The following ATRNL1 variants were observed in gnomAD, a reference collection of about 807,000 sequenced individuals.
ATRNL1 encodes the protein attractin like 1.
ATRNL1 carries 95 observed loss-of-function variants against 182.7 expected under a neutral mutation model. The observed-to-expected ratio is 0.52, with a 90% CI of 0.44 to 0.62. The LOEUF is 0.62. Among genes scored for constraint, ATRNL1 ranks in the 20% least tolerant of loss-of-function variants. The pLI, the probability that ATRNL1 is intolerant of heterozygous loss-of-function variation, is 0.00. For missense variants in ATRNL1, 1,471 were observed against 1,679.5 expected, an observed-to-expected ratio of 0.88 and a Z score of 2.17; for synonymous variants, 576 against 568.3, an observed-to-expected ratio of 1.01 and a Z score of -0.19.
chr10:115,935,511 G>C (rs1555122640), intron 28 of ATRNL1, among the ~76,000 whole-genome samples: 1 of 152,130 alleles, frequency 6.6e-6, no homozygotes. Flanking sequence ...TTGCACCAAA[G>C]TAGCGGCTTC....
intron 28 of ATRNL1, among the ~76,000 whole-genome samples, chr10:115,923,124 C>G (rs1953117187): frequency 6.6e-6 from 1 of 152,138 alleles, no homozygotes; most frequent in Admixed American, 6.5e-5. Context: ...TGCAGTGTTT[C>G]TAATGATAGT....
In ATRNL1 at chr10:115,283,310, A is replaced by T. The variant is rs531178586; in HGVS notation, c.2233+1823A>T. On this transcript the variant is annotated intron_variant, in intron 14 of 28. Coordinates refer to ENST00000355044, the MANE Select transcript of ATRNL1 (RefSeq NM_207303.4). Reference sequence around the variant, plus strand: ...GCACCTGTAATTTCAGCTACTCGGGAGGCTGAGGCAGGAGAATCACTTGAA... The same window carrying T: ...GCACCTGTAATTTCAGCTACTCGGGTGGCTGAGGCAGGAGAATCACTTGAA... Among the ~76,000 whole-genome samples the T allele has an allele frequency of 3.9e-5, 6 of 152,136 alleles. No homozygotes were observed. In the Middle Eastern group the frequency reaches 0.01, roughly 259 times the overall value.
chr10:115,620,826 C>A (rs1555022493), intron 26 of ATRNL1, among the ~76,000 whole-genome samples: 1 of 152,118 alleles, frequency 6.6e-6, no homozygotes, highest in African/African-American at 2.4e-5. Flanking sequence ...AAAGATATAG[C>A]TTTCATTTTA....
At position 115,236,592 on chromosome 10, in the gene ATRNL1, A is replaced by G. The variant is rs564889267; in HGVS notation, c.1533-4979A>G. On this transcript the variant is annotated intron_variant, in intron 9 of 28. Transcript: ENST00000355044. ...GTTTGTTTTGTTTTTTTAACAATAA[A>G]CTCTATGTTTTAGAGCAGTTTTAGT... Among the ~76,000 whole-genome samples, 9 of 152,160 alleles carry G rather than the reference A, an allele frequency of 5.9e-5. No individual in the cohort carries two copies. The East Asian group carries it at 1.7e-3, about 29-fold the overall frequency.
intron 28 of ATRNL1, among the ~76,000 whole-genome samples, chr10:115,917,128 G>A (rs1555117494): frequency 6.6e-6 from 1 of 152,150 alleles, no homozygotes; most frequent in Non-Finnish European, 1.5e-5. Context: ...TGCCACTTTA[G>A]TGGCTGTGCT....
chr10:115,102,374 C>T (rs1843808209), intron 1 of ATRNL1, among the ~76,000 whole-genome samples: 1 of 151,822 alleles, frequency 6.6e-6, no homozygotes, highest in African/African-American at 2.4e-5. Flanking sequence ...TATCTCTATC[C>T]TTTTGCAAAT....
At chr10:115,620,168 A>G (rs1857650768) in intron 26 of ATRNL1, among the ~76,000 whole-genome samples, 1 of 152,188 alleles carries the variant, frequency 6.6e-6, no homozygotes. Flanking sequence ...AGAGGAAGGG[A>G]AATCATGGCA....
chr10:115,687,621 C>A (rs1946260499), intron 26 of ATRNL1, among the ~76,000 whole-genome samples: 1 of 151,920 alleles, frequency 6.6e-6, no homozygotes, highest in Non-Finnish European at 1.5e-5. Flanking sequence ...TTTCATTGCC[C>A]CTTTGGAAGC....
chr10:115,743,851 TTTG>T (rs1751103209), intron 27 of ATRNL1, among the ~76,000 whole-genome samples: 1 of 152,020 alleles, frequency 6.6e-6, no homozygotes, highest in South Asian at 2.1e-4. Context: ...CAAAAAGAAC[TTTG>T]TTTAGAAAAA....
At chr10:115,858,231 T>A (rs1555102566) in intron 28 of ATRNL1, among the ~76,000 whole-genome samples, 2 of 152,124 alleles carry the variant, frequency 1.3e-5, no homozygotes, top group Non-Finnish European at 2.9e-5. Flanking sequence ...ATTATAAAGA[T>A]ACATGCACGC....
At chr10:115,248,969 A>G (rs1480159260) in intron 10 of ATRNL1, among the ~76,000 whole-genome samples, 1 of 152,104 alleles carries the variant, frequency 6.6e-6, no homozygotes, top group African/African-American at 2.4e-5. Context: ...TGCATTTAAG[A>G]CTAACTTATG....
chr10:115,525,753 C>T (rs1214568008), intron 25 of ATRNL1, among the ~76,000 whole-genome samples: 4 of 152,234 alleles, frequency 2.6e-5, no homozygotes, highest in Admixed American at 2.6e-4. Flanking sequence ...TTGCTCCATT[C>T]CCTGGAATCC....
intron 28 of ATRNL1, among the ~76,000 whole-genome samples, chr10:115,887,662 CTTT>C (rs1412527934): frequency 1.4e-5 from 2 of 144,256 alleles, no homozygotes; most frequent in African/African-American, 2.5e-5. Context: ...ACATAGAGCT[CTTT>C]TTTTTTTTTT....
intron 24 of ATRNL1, among the ~76,000 whole-genome samples, chr10:115,479,413 T>A (rs1177467961): frequency 3.3e-5 from 5 of 151,586 alleles, no homozygotes; most frequent in African/African-American, 1.2e-4. Context: ...GCCATTGAGA[T>A]CCTCTGCCAT....
chr10:115,593,111 C>T (rs1309137669), intron 26 of ATRNL1, among the ~76,000 whole-genome samples: 1 of 152,192 alleles, frequency 6.6e-6, no homozygotes, highest in Non-Finnish European at 1.5e-5. Flanking sequence ...CATCCCATGG[C>T]AGAAGGCAGA....
chr10:115,152,282 T>C (rs1460585982), intron 5 of ATRNL1, among the ~76,000 whole-genome samples: 3 of 152,202 alleles, frequency 2.0e-5, no homozygotes, highest in South Asian at 2.1e-4. Context: ...GGGGATGGCA[T>C]TGAATCTATA....
intron 24 of ATRNL1, among the ~76,000 whole-genome samples, chr10:115,511,874 G>T (rs951059991): frequency 1.6e-4 from 24 of 151,780 alleles, no homozygotes; most frequent in Admixed American, 1.5e-3. Context: ...TTTTTAGCAT[G>T]TTGTCTTATC....
intron 28 of ATRNL1, among the ~76,000 whole-genome samples, chr10:115,941,222 C>T (rs1953722117): frequency 6.6e-6 from 1 of 152,158 alleles, no homozygotes. Flanking sequence ...TGACAAAAAG[C>T]TGTCAAATTA....
chr10:115,876,405 A>G (rs1210246145), intron 28 of ATRNL1, among the ~76,000 whole-genome samples: 4 of 152,184 alleles, frequency 2.6e-5, no homozygotes, highest in African/African-American at 9.6e-5. Flanking sequence ...TTGTTATTCT[A>G]TTTAATTCAT....
Sources: gnomAD v4.1 joint callset for allele counts (sites outside exome capture counted in the v4.1 genomes callset) on GRCh38, gnomAD v4.1.1 for gene constraint, MANE v1.5 for transcripts, NCBI Gene and HGNC (gene_info 2026-07-23, HGNC 2026-07-21) for gene names.